FAM169A: variants seen among roughly 807,000 people sequenced by gnomAD.
FAM169A encodes family with sequence similarity 169 member A.
In FAM169A, 24 loss-of-function variants were observed where a neutral mutation model predicts 75.7. That is an observed-to-expected ratio of 0.32 (90% CI 0.23 to 0.45). The LOEUF (loss-of-function observed/expected upper bound fraction) is 0.45. FAM169A is among the 20% of genes least tolerant of loss of function. The pLI is 1.00. For synonymous variants in FAM169A, 271 were observed against 271.0 expected, an observed-to-expected ratio of 1.00 and a Z score of 0.00; for missense variants, 673 against 784.0, an observed-to-expected ratio of 0.86 and a Z score of 1.69.
At chr5:74,814,951 T>C (rs1042972206) in intron 5 of FAM169A, among the ~76,000 whole-genome samples, 1 of 152,176 alleles carries the variant, frequency 6.6e-6, no homozygotes, top group Non-Finnish European at 1.5e-5. Context: ...ACTCCAATAA[T>C]GTAGTTCAAA....
chr5:74,814,990 A>G (rs1747394930), intron 5 of FAM169A, among the ~76,000 whole-genome samples: 1 of 152,174 alleles, frequency 6.6e-6, no homozygotes, highest in Admixed American at 6.5e-5. Context: ...ACATCTCACA[A>G]ATTGTCTTAC....
At chr5:74,793,537 T>G (rs1210558266) in intron 11 of FAM169A, among the ~76,000 whole-genome samples, 1 of 152,076 alleles carries the variant, frequency 6.6e-6, no homozygotes, top group Non-Finnish European at 1.5e-5. Flanking sequence ...AGTGTTATCA[T>G]GGACTCTGGG....
chr5:74,837,203 T>C (rs999889484), intron 4 of FAM169A, among the ~76,000 whole-genome samples: 10 of 152,170 alleles, frequency 6.6e-5, no homozygotes, highest in Non-Finnish European at 8.8e-5. Context: ...TCAGAATGCT[T>C]ATTTTCTTGA....
chr5:74,862,604 C>T (rs1016034570), intron 1 of FAM169A, among the ~76,000 whole-genome samples: 5 of 152,148 alleles, frequency 3.3e-5, no homozygotes, highest in Non-Finnish European at 7.3e-5. Context: ...TAATGTTTGT[C>T]TCATCTTTAA....
At chr5:74,812,804 A>T (rs1016154419) in intron 6 of FAM169A, among the ~76,000 whole-genome samples, 1 of 152,212 alleles carries the variant, frequency 6.6e-6, no homozygotes, top group African/African-American at 2.4e-5. Flanking sequence ...ATATACAGAT[A>T]ACAAATGTTG....
intron 10 of FAM169A, chr5:74,798,950 C>A: frequency 4.4e-6 from 4 of 906,944 alleles, no homozygotes. Context: ...ACCGTCCGGA[C>A]TGCCCCGACC....
chr5:74,818,996 G>C (rs866261908), intron 5 of FAM169A, among the ~76,000 whole-genome samples: 1 of 152,142 alleles, frequency 6.6e-6, no homozygotes, highest in African/African-American at 2.4e-5. Flanking sequence ...AAGGTGGGCG[G>C]ATCACCTGTG....
intron 5 of FAM169A, among the ~76,000 whole-genome samples, chr5:74,819,212 C>T (rs1040918180): frequency 1.3e-5 from 2 of 148,482 alleles, no homozygotes; most frequent in East Asian, 1.9e-4. Flanking sequence ...GAGCAAAACT[C>T]GTCTCAAAGA....
At chr5:74,836,825 G>A (rs761659548) in intron 4 of FAM169A, among the ~76,000 whole-genome samples, 1 of 152,070 alleles carries the variant, frequency 6.6e-6, no homozygotes, top group Non-Finnish European at 1.5e-5. Flanking sequence ...GCACACACCT[G>A]TAGTCCCAGC....
At chr5:74,843,103 T>A (rs964426364) in intron 1 of FAM169A, among the ~76,000 whole-genome samples, 2 of 151,978 alleles carry the variant, frequency 1.3e-5, no homozygotes, top group Admixed American at 6.6e-5. Flanking sequence ...AAAAAGAAAG[T>A]ATAAATAGAG....
Position 74,781,213 on chromosome 5 carries a change from G to C in FAM169A, c.*247C>G. 1 of 447,544 alleles carries C rather than the reference G, an allele frequency of 2.2e-6. No individual in the cohort carries two copies. The highest frequency in any genetic ancestry group is 4.2e-5 in the South Asian group (1 of 23,902). 27.7% of individuals were successfully genotyped at this position (447,544 alleles called of 1,614,324 possible). On this transcript the variant is annotated 3_prime_UTR_variant, in exon 13 of 13. Transcript: ENST00000687041. The stretch of plus-strand genomic sequence containing the variant: ...TGATAAAGAAAATATAATATGATCT[G>C]GTTTCCCAAAATTGAAACATGGTTA...
chr5:74,789,572 T>C (rs1207027973), intron 11 of FAM169A, among the ~76,000 whole-genome samples: 2 of 152,218 alleles, frequency 1.3e-5, no homozygotes, highest in African/African-American at 4.8e-5. Context: ...TCCAGGCTGC[T>C]GTGCAAGCTG....
intron 11 of FAM169A, among the ~76,000 whole-genome samples, chr5:74,789,893 TA>T (rs1745887405): frequency 2.6e-5 from 4 of 152,346 alleles, no homozygotes; most frequent in Admixed American, 1.3e-4. Context: ...CTTGGCCTGT[TA>T]CTGGGCTTTG....
chr5:74,793,150 C>A (rs1006949710), intron 11 of FAM169A, among the ~76,000 whole-genome samples: 12 of 152,112 alleles, frequency 7.9e-5, no homozygotes, highest in Admixed American at 5.2e-4. Context: ...CATGGTGAAA[C>A]CCCGTCTCTA....
chr5:74,846,059 A>C (rs1749141141), intron 1 of FAM169A, among the ~76,000 whole-genome samples: 1 of 152,228 alleles, frequency 6.6e-6, no homozygotes, highest in Admixed American at 6.5e-5. Flanking sequence ...GAACGTAATA[A>C]CTGTTTTTCT....
At chr5:74,786,546 T>C (rs1580073181) in intron 11 of FAM169A, among the ~76,000 whole-genome samples, 1 of 152,184 alleles carries the variant, frequency 6.6e-6, no homozygotes, top group African/African-American at 2.4e-5. Context: ...GGAAGAAGTT[T>C]GGTGACTCTA....
intron 2 of FAM169A, among the ~76,000 whole-genome samples, chr5:74,841,183 C>T (rs1332077963): frequency 6.6e-6 from 1 of 152,140 alleles, no homozygotes; most frequent in African/African-American, 2.4e-5. Context: ...AGAAAAGATT[C>T]ATGGCACAAA....
At chr5:74,850,959 C>T (rs1279206117) in intron 1 of FAM169A, among the ~76,000 whole-genome samples, 1 of 152,164 alleles carries the variant, frequency 6.6e-6, no homozygotes, top group Non-Finnish European at 1.5e-5. Flanking sequence ...CTCTGTCACC[C>T]AGGCTGGAGT....
intron 4 of FAM169A, among the ~76,000 whole-genome samples, chr5:74,837,778 G>A (rs546417492): frequency 1.3e-5 from 2 of 152,204 alleles, no homozygotes; most frequent in South Asian, 4.2e-4. Context: ...TCCTAGAAGT[G>A]TTCTAAAGGA....
Sources: allele counts gnomAD v4.1 joint callset (sites outside exome capture counted in the v4.1 genomes callset), GRCh38; gene constraint gnomAD v4.1.1; transcripts MANE v1.5; gene names NCBI Gene and HGNC (gene_info 2026-07-23, HGNC 2026-07-21).